PEX7: variants seen among roughly 807,000 people sequenced by gnomAD.
PEX7 encodes peroxisomal biogenesis factor 7, also known as PTS2 receptor.
In PEX7, 34 loss-of-function variants were observed where a neutral mutation model predicts 47.5. The observed-to-expected ratio is 0.72, with a 90% CI of 0.54 to 0.95. PEX7 has a LOEUF of 0.95. Among genes scored for constraint, PEX7 ranks in the 40% least tolerant of loss-of-function variants. The probability of loss-of-function intolerance (pLI) is 0.00; values close to 1 mark genes in which losing one functional copy is unlikely to be tolerated. For missense variants in PEX7, 394 were observed against 400.3 expected (o/e 0.98, Z 0.13); for synonymous variants, 141 against 148.8 (o/e 0.95, Z 0.38).
chr6:136,909,953 G>C (rs1775907382), intron 9 of PEX7, among the ~76,000 whole-genome samples: 1 of 152,058 alleles, frequency 6.6e-6, no homozygotes, highest in East Asian at 1.9e-4. Flanking sequence ...ATGTGGGAAG[G>C]CCCAGCACTT....
In PEX7 at chr6:136,900,466, C is replaced by G. The variant is rs958012101; in HGVS notation, c.903+2225C>G. ...AGACTTGGGACCAAGGACATTGCCC[C>G]CCCAGTGACAGCAGATCTCATCGTG... On this transcript the variant is annotated intron_variant, in intron 9 of 9. Transcript: ENST00000318471. The surrounding 1 kb of genome is among the most constrained non-coding windows in gnomAD (Gnocchi z 4.2). 4.3e-6 allele frequency: 2 copies of G among 460,910 alleles called. No individual in the cohort carries two copies. The highest frequency in any genetic ancestry group is 8.6e-6 in the Non-Finnish European group (2 of 232,048). 28.6% of individuals were successfully genotyped at this position (460,910 alleles called of 1,614,324 possible).
chr6:136,831,231 CCTT>C (rs1183985162), intron 3 of PEX7, among the ~76,000 whole-genome samples: 2 of 152,082 alleles, frequency 1.3e-5, no homozygotes, highest in Non-Finnish European at 2.9e-5. Context: ...AAGTAGATAA[CCTT>C]CTTCACAAGG....
rs1774860612 is a variant in PEX7 at position 136,856,265 on chromosome 6, T to C, written c.526+10084T>C. Among the ~76,000 whole-genome samples, 3 of 134,984 alleles carry C rather than the reference T, an allele frequency of 2.2e-5. No homozygotes were observed. The South Asian group carries it at 6.9e-4, about 31-fold the overall frequency. 88.6% of individuals were successfully genotyped at this position (134,984 alleles called of 152,430 possible). On this transcript the variant is annotated intron_variant, in intron 5 of 9. Transcript: ENST00000318471. ...GAAATTAATATAAATCTTGGTCATA[T>C]CAGCCAGGACTTCTTTGGTTGAAAG... is the stretch of plus-strand genomic sequence containing the variant.
intron 3 of PEX7, 122 bp downstream of exon 3, chr6:136,826,591 A>G: frequency 9.0e-7 from 1 of 1,105,048 alleles, no homozygotes; most frequent in South Asian, 1.3e-5. Context: ...AGCATTTCTT[A>G]TACATACTAG....
At chr6:136,876,316 C>A (rs903428589) in intron 8 of PEX7, among the ~76,000 whole-genome samples, 6 of 152,156 alleles carry the variant, frequency 3.9e-5, no homozygotes, top group Non-Finnish European at 8.8e-5. Context: ...GGATTACAGG[C>A]GTGAGCCACT....
At chr6:136,863,008 T>C (rs1774993886) in intron 5 of PEX7, among the ~76,000 whole-genome samples, 1 of 152,188 alleles carries the variant, frequency 6.6e-6, no homozygotes, top group Non-Finnish European at 1.5e-5. Flanking sequence ...TCAAAGCTAT[T>C]TGGAATTCTA....
chr6:136,886,661 G>T (rs138467472), intron 8 of PEX7, among the ~76,000 whole-genome samples: 2 of 152,166 alleles, frequency 1.3e-5, no homozygotes, highest in Non-Finnish European at 2.9e-5. Context: ...CACTGTGAAG[G>T]TGAAGTAGGA....
At chr6:136,830,348 A>G (rs1369882285) in intron 3 of PEX7, 1 of 282,230 alleles carries the variant, frequency 3.5e-6, no homozygotes, top group Non-Finnish European at 6.5e-6. Flanking sequence ...CTTGATGGCT[A>G]TGTGTCCAAC....
At chr6:136,823,342 A>G in intron 1 of PEX7, 3 of 985,430 alleles carry the variant, frequency 3.0e-6, no homozygotes, top group Non-Finnish European at 3.6e-6. Context: ...TTCAGTTCTT[A>G]CCTGTAGTTG....
intron 3 of PEX7, among the ~76,000 whole-genome samples, chr6:136,838,906 G>C (rs1162034444): frequency 6.6e-6 from 1 of 152,140 alleles, no homozygotes; most frequent in Admixed American, 6.6e-5. Flanking sequence ...TCAGGGCTGG[G>C]TATGGTGGCT....
chr6:136,879,761 C>G (rs1325976384), intron 8 of PEX7, among the ~76,000 whole-genome samples: 1 of 151,618 alleles, frequency 6.6e-6, no homozygotes, highest in African/African-American at 2.4e-5. Flanking sequence ...TCTCCTTTAC[C>G]TGTCTTCTCT....
chr6:136,879,092 C>G (rs1775330275), intron 8 of PEX7, among the ~76,000 whole-genome samples: 1 of 151,930 alleles, frequency 6.6e-6, no homozygotes. Flanking sequence ...CCTTTTCCAT[C>G]AAATTTTGTT....
At chr6:136,849,350 CCTTCAGTTCTG>C (rs911314322) in intron 5 of PEX7, among the ~76,000 whole-genome samples, 1 of 152,084 alleles carries the variant, frequency 6.6e-6, no homozygotes, top group African/African-American at 2.4e-5. Context: ...GTCTCTATCT[CCTTCAGTTCTG>C]CTCTGATCTC....
chr6:136,845,276 CTTTCT>C (rs1195516918), intron 3 of PEX7, among the ~76,000 whole-genome samples: 2 of 152,190 alleles, frequency 1.3e-5, no homozygotes, highest in African/African-American at 4.8e-5. Context: ...AGATGACTAA[CTTTCT>C]AATCTGCTTT....
chr6:136,837,344 AGAGT>A (rs1197273162), intron 3 of PEX7, among the ~76,000 whole-genome samples: 1 of 120,324 alleles, frequency 8.3e-6, no homozygotes, highest in Non-Finnish European at 1.8e-5. Context: ...CCTGGGCGAC[AGAGT>A]GAGAGTCTGT....
chr6:136,904,476 T>C (rs187899808), intron 9 of PEX7, among the ~76,000 whole-genome samples: 9 of 152,196 alleles, frequency 5.9e-5, no homozygotes, highest in African/African-American at 2.2e-4. Flanking sequence ...AAATCTCACC[T>C]TGAATTGTAA....
intron 8 of PEX7, among the ~76,000 whole-genome samples, chr6:136,874,668 C>CAA (rs770483004): frequency 2.5e-4 from 14 of 54,928 alleles, no homozygotes; most frequent in Admixed American, 4.0e-4. Context: ...GACTTTGCCT[C>CAA]AAAAAAAAAA....
intron 5 of PEX7, among the ~76,000 whole-genome samples, chr6:136,851,014 T>A (rs1774739693): frequency 8.2e-6 from 1 of 121,594 alleles, no homozygotes; most frequent in African/African-American, 3.1e-5. Flanking sequence ...TTTTTTTTTA[T>A]TATACTCTAA....
intron 5 of PEX7, among the ~76,000 whole-genome samples, chr6:136,852,062 A>G: frequency 1.0e-5 from 1 of 95,272 alleles, no homozygotes; most frequent in South Asian, 3.5e-4. Flanking sequence ...TGTTTTGGGC[A>G]TGAAGTCCTT....
Sources: gnomAD v4.1 joint callset for allele counts (sites outside exome capture counted in the v4.1 genomes callset) on GRCh38, gnomAD v4.1.1 for gene constraint, Gnocchi (gnomAD v3.1) non-coding constraint, MANE v1.5 for transcripts, NCBI Gene and HGNC (gene_info 2026-07-23, HGNC 2026-07-21) for gene names.